Variants in IGSF9 observed in about 807,000 individuals in gnomAD.
IGSF9 encodes the protein immunoglobulin superfamily member 9.
Under a neutral mutation model 121.7 loss-of-function variants are expected in IGSF9, and 87 were observed. The ratio of observed to expected loss-of-function variants is 0.71; its 90% confidence interval spans 0.60 to 0.85. IGSF9 has a LOEUF of 0.85. Ranked by LOEUF, IGSF9 falls within the 40% of genes least tolerant of loss-of-function variation. IGSF9 has a pLI of 0.00. For missense variants in IGSF9, 1,462 were observed against 1,565.3 expected, an observed-to-expected ratio of 0.93 and a Z score of 1.11; for synonymous variants, 640 against 648.4, an observed-to-expected ratio of 0.99 and a Z score of 0.20.
rs772497737 is a variant in IGSF9, at chr1:159,928,510, G to A, written c.2878C>T (p.Arg960Cys). The A allele has an allele frequency of 2.9e-5, 45 of 1,570,010 alleles. No individual in the cohort carries two copies. Among genetic ancestry groups the A allele is most frequent in the Admixed American group, 9.2e-5 (5 of 54,442 alleles). The change falls in exon 19 of 21, where the codon CGC becomes TGC. Residue 960 changes from arginine to cysteine, a missense_variant. Arg to Cys is a radical substitution (Grantham distance 180, BLOSUM62 -3). Transcript: ENST00000368094. Reference protein sequence around the residue: ...AAPPDYMDTRRCPTSSFLRSP... With the variant: ...AAPPDYMDTRCCPTSSFLRSP... ...CGAAGGAAAGATGAGGTGGGACAGC[G>A]CCGGGTATCCATGTAATCTGGGGGT...
intron 1 of IGSF9, 73 bp from the exon 2 acceptor site, chr1:159,943,701 A>G (rs1484784870): frequency 4.9e-6 from 2 of 405,370 alleles, no homozygotes; most frequent in Non-Finnish European, 8.7e-6. Context: ...ACCATTAGAG[A>G]AAGGCACTGG....
rs561289172 is a variant in IGSF9 at position 159,931,928 on chromosome 1, C to A, written c.1246G>T (p.Ala416Ser). Residue 416 changes from alanine to serine, a missense_variant and splice_region_variant, in exon 11 of 21, where the codon GCT (alanine) becomes TCT (serine). Around this residue, in one of 3 missense-constraint regions of IGSF9, gnomAD observed 558 missense variants for 599.4 expected, o/e 0.93. Coordinates refer to ENST00000368094, the MANE Select transcript of IGSF9 (RefSeq NM_001135050.2). The surrounding 1 kb of genome is among the most constrained non-coding windows in gnomAD (Gnocchi z 4.8). ...GGCCGCTCTATAAAAGCTGGGGGAGCCTGCAAGCCAGATCTGGCATTGGGA... is the reference window on the plus strand; with the variant it reads ...GGCCGCTCTATAAAAGCTGGGGGAGACTGCAAGCCAGATCTGGCATTGGGA... ...PSPVTRVLLKAPPAFIERPKE... is the reference protein window; with the variant it reads ...PSPVTRVLLKSPPAFIERPKE... The A allele has an allele frequency of 7.6e-6, 12 of 1,582,272 alleles. No individual in the cohort carries two copies. The highest frequency in any genetic ancestry group is 9.4e-6 in the Non-Finnish European group (11 of 1,167,466).
Position 159,932,706 on chromosome 1 carries a change from C to T in IGSF9, c.1105-54G>A, listed in dbSNP as rs548603611. The T allele has an allele frequency of 1.2e-5, 19 of 1,551,118 alleles. No individual in the cohort carries two copies. Among genetic ancestry groups the T allele is most frequent in the South Asian group, 7.2e-5 (6 of 82,802 alleles). On this transcript the variant is annotated intron_variant, in intron 9 of 20. Coordinates refer to ENST00000368094, the MANE Select transcript of IGSF9 (RefSeq NM_001135050.2). The surrounding 1 kb of genome is among the most constrained non-coding windows in gnomAD (Gnocchi z 4.1). ...GAGAGGAGCTCAGCAGAGACAAGCCCGGGATGGCAGTACAAGAGAGGGGGC... is the reference window on the plus strand; with the variant it reads ...GAGAGGAGCTCAGCAGAGACAAGCCTGGGATGGCAGTACAAGAGAGGGGGC...
chr1:159,936,293 C>G, intron 6 of IGSF9, 106 bp downstream of exon 6: 1 of 1,013,004 alleles, frequency 9.9e-7, no homozygotes, highest in Non-Finnish European at 1.5e-6. Flanking sequence ...GGGCCCTGCC[C>G]TCAGGCACAA....
At chr1:159,938,792 G>A (rs758388059) in intron 3 of IGSF9, among the ~76,000 whole-genome samples, 1 of 152,208 alleles carries the variant, frequency 6.6e-6, no homozygotes, top group South Asian at 2.1e-4. Flanking sequence ...TTGGGGTGGG[G>A]TGGAGGAGAG....
rs1186488790 is a variant in IGSF9, at chr1:159,928,591, G to T, written c.2797C>A (p.Arg933=). The T allele has an allele frequency of 3.3e-6, 5 of 1,511,490 alleles. No homozygotes were observed. The African/African-American group carries it at 5.5e-5, about 17-fold the overall frequency. The allele number at this position is 1,511,490 out of a possible 1,614,324, so 93.6% of individuals were successfully genotyped here. A position where few individuals can be genotyped will look rare whatever the true frequency, so the allele number is the denominator to read the frequency against. Reference sequence around the variant, plus strand: ...CAGTCCCCATCCACATTCATCTCTCGGAAGAAGGGCAGGCTCAGGTACTGG... The same window carrying T: ...CAGTCCCCATCCACATTCATCTCTCTGAAGAAGGGCAGGCTCAGGTACTGG... ...LLQYLSLPFF[R]EMNVDGDWPP... The change falls in exon 19 of 21, where the codon CGA becomes AGA. Residue 933 remains arginine, a synonymous_variant. Transcript: ENST00000368094.
Position 159,932,732 on chromosome 1 carries a change from A to G in IGSF9, c.1105-80T>C, listed in dbSNP as rs1651041698. 54 of 1,426,302 alleles carry G rather than the reference A, an allele frequency of 3.8e-5. 1 individual carries two copies. In the South Asian group the frequency reaches 7.3e-4, roughly 19 times the overall value. The allele number at this position is 1,426,302 out of a possible 1,614,324, so 88.4% of individuals were successfully genotyped here. The stretch of plus-strand genomic sequence containing the variant: ...GGGATGGCAGTACAAGAGAGGGGGC[A>G]GGATGAGAAACCCACAGCTGTGCAG... On this transcript the variant is annotated intron_variant, in intron 9 of 20. Transcript: ENST00000368094. The surrounding 1 kb of genome is among the most constrained non-coding windows in gnomAD (Gnocchi z 4.1).
chr1:159,940,356 C>T (rs932705194), intron 3 of IGSF9, among the ~76,000 whole-genome samples: 8 of 152,220 alleles, frequency 5.3e-5, no homozygotes, highest in Non-Finnish European at 1.2e-4. Context: ...GACAGCTGGA[C>T]TGCTAGACCT....
Position 159,929,407 on chromosome 1 carries a change from A to G in IGSF9, c.2327-14T>C. 4 of 1,614,072 alleles carry G rather than the reference A, an allele frequency of 2.5e-6. No homozygotes were observed. Among genetic ancestry groups the G allele is most frequent in the Non-Finnish European group, 3.4e-6 (4 of 1,179,948 alleles). ...TAAGAGGTGGATCTGGAAGGGCATG[A>G]GAATAGTAGGTGACACAGGCAAAAA... On this transcript the variant is annotated splice_polypyrimidine_tract_variant and intron_variant, in intron 17 of 20. Coordinates refer to ENST00000368094, the MANE Select transcript of IGSF9 (RefSeq NM_001135050.2).
chr1:159,936,627 G>A, intron 5 of IGSF9, 111 bp from the exon 6 acceptor site: 3 of 1,520,882 alleles, frequency 2.0e-6, no homozygotes, highest in Non-Finnish European at 2.7e-6. Context: ...GGCAAACAAT[G>A]CCAAGCCCTT....
chr1:159,935,960 C>T (rs931003290), intron 6 of IGSF9, among the ~76,000 whole-genome samples: 1 of 152,210 alleles, frequency 6.6e-6, no homozygotes, highest in African/African-American at 2.4e-5. Flanking sequence ...TATGAAGGCA[C>T]AGTCCAGGCC....
Position 159,943,113 on chromosome 1 carries a change from C to A in IGSF9, c.97G>T (p.Ala33Ser), listed in dbSNP as rs749122819. The A allele has an allele frequency of 1.2e-6, 2 of 1,601,742 alleles. No individual in the cohort carries two copies. The highest frequency in any genetic ancestry group is 1.7e-6 in the Non-Finnish European group (2 of 1,176,164). The change falls in exon 3 of 21, where the codon GCT (alanine) becomes TCT (serine). Residue 33 changes from alanine (A) to serine (S), a missense_variant. Transcript: ENST00000368094. ...KPEVVSVVGR[A>S]GESVVLGCDL... Reference sequence around the variant, plus strand: ...CAGCCCAGCACCACACTCTCCCCAGCCCGGCCCACCACCGATACCACCTCA... The same window carrying A: ...CAGCCCAGCACCACACTCTCCCCAGACCGGCCCACCACCGATACCACCTCA...
rs569957092 is a variant in IGSF9 at position 159,942,760 on chromosome 1, GT to G, written c.247+202del. 2.4e-4 allele frequency among the ~76,000 whole-genome samples: 36 copies of G among 152,234 alleles called. No individual in the cohort carries two copies. In the East Asian group the frequency reaches 6.0e-3, roughly 25 times the overall value. On this transcript the variant is annotated intron_variant, in intron 3 of 20. Transcript: ENST00000368094. ...AGAGTGTGAGTGTGTGTGTGTGTGT[GT>G]GTGTGTGTAAATGAATGAATCTTTC...
In IGSF9 at chr1:159,928,846, C is replaced by T. The variant is rs1650858761; in HGVS notation, c.2542G>A (p.Gly848Ser). The change falls in exon 19 of 21, where the codon GGC becomes AGC. Residue 848 changes from glycine (G) to serine (S), a missense_variant. Around this residue, in one of 3 missense-constraint regions of IGSF9, gnomAD observed 808 missense variants for 815.2 expected, o/e 0.99. Transcript: ENST00000368094. ...GPLPLEPICR[G>S]PDGRFVMGPT... ...CCCATCACAAAGCGCCCGTCTGGGCCCCGGCAAATGGGCTCCAGAGGTAAG... is the reference window on the plus strand; with the variant it reads ...CCCATCACAAAGCGCCCGTCTGGGCTCCGGCAAATGGGCTCCAGAGGTAAG... 1 of 1,565,048 alleles carries T rather than the reference C, an allele frequency of 6.4e-7. No homozygotes were observed.
intron 6 of IGSF9, 140 bp downstream of exon 6, chr1:159,936,259 A>T (rs1360941902): frequency 1.4e-6 from 1 of 721,946 alleles, no homozygotes; most frequent in African/African-American, 1.7e-5. Flanking sequence ...AACAGCCTGC[A>T]TTGGGAACCC....
chr1:159,928,075 G>A (rs1342986226), intron 19 of IGSF9, 83 bp downstream of exon 19: 36 of 1,526,726 alleles, frequency 2.4e-5, no homozygotes, highest in Non-Finnish European at 3.1e-5. Context: ...GTGGAGCAGA[G>A]AAGGTGCAGG....
At position 159,931,911 on chromosome 1, in the gene IGSF9, T is replaced by A. The variant is rs775309341; in HGVS notation, c.1263A>T (p.Ile421=). ...RVLLKAPPAF[I]ERPKEEYFQE... is the part of the protein sequence containing the mutation. ...GGAAATATTCTTCCTTGGGCCGCTC[T>A]ATAAAAGCTGGGGGAGCCTGCAAGC... Residue 421 remains isoleucine, a synonymous_variant, in exon 11 of 21, where the codon ATA becomes ATT. Transcript: ENST00000368094. This position sits in a 1 kb window ranked among gnomAD's most constrained non-coding sequence, Gnocchi z 4.8. 1.9e-6 allele frequency: 3 copies of A among 1,593,338 alleles called. No homozygotes were observed. The Admixed American group carries it at 5.7e-5, about 30-fold the overall frequency.
rs915744766 is a variant in IGSF9, at chr1:159,928,620, A to C, written c.2768T>G (p.Leu923Arg). 6.7e-7 allele frequency: 1 copy of C among 1,493,242 alleles called. No homozygotes were observed. Among genetic ancestry groups the C allele is most frequent in the Admixed American group, 2.4e-5 (1 of 41,244 alleles). The allele number at this position is 1,493,242 out of a possible 1,614,324, so 92.5% of individuals were successfully genotyped here. Residue 923 changes from leucine to arginine, a missense_variant, in exon 19 of 21, where the codon CTG becomes CGG. Leu to Arg is a moderately radical substitution (Grantham distance 102). Coordinates refer to ENST00000368094, the MANE Select transcript of IGSF9 (RefSeq NM_001135050.2). Reference protein sequence around the residue: ...PPSPLPGPGPLLQYLSLPFFR... With the variant: ...PPSPLPGPGPRLQYLSLPFFR... ...GAAGGGCAGGCTCAGGTACTGGAGC[A>C]GGGGTCCAGGACCTGGCAAGGGACT...
In IGSF9 at chr1:159,931,086, G is replaced by A; in HGVS notation, c.1637+52C>T. On this transcript the variant is annotated intron_variant, in intron 13 of 20. Coordinates refer to ENST00000368094, the MANE Select transcript of IGSF9 (RefSeq NM_001135050.2). The surrounding 1 kb of genome is among the most constrained non-coding windows in gnomAD (Gnocchi z 4.8). ...GAAGGCCAGATAGGTTCAAGGAGGA[G>A]AGGAAAGGAGGCAAGATTGGCACAG... 6.2e-6 allele frequency: 10 copies of A among 1,612,984 alleles called. No individual in the cohort carries two copies. The highest frequency in any genetic ancestry group is 8.5e-6 in the Non-Finnish European group (10 of 1,179,230).
Sources: gnomAD v4.1 joint callset for allele counts (sites outside exome capture counted in the v4.1 genomes callset) on GRCh38, gnomAD v4.1.1 for gene constraint, gnomAD v4.1.1 regional missense constraint, Gnocchi (gnomAD v3.1) non-coding constraint, MANE v1.5 for transcripts, NCBI Gene and HGNC (gene_info 2026-07-23, HGNC 2026-07-21) for gene names.